The following NDST4 variants were observed in gnomAD, a reference collection of about 807,000 sequenced individuals.
NDST4 encodes N-deacetylase and N-sulfotransferase 4.
In NDST4, 63 loss-of-function variants were observed where a neutral mutation model predicts 100.8. That is an observed-to-expected ratio of 0.62 (90% CI 0.51 to 0.77). The LOEUF (loss-of-function observed/expected upper bound fraction) is 0.77. NDST4 is among the 30% of genes least tolerant of loss of function. NDST4 has a pLI of 0.00. For missense variants in NDST4, 943 were observed against 1,018.4 expected (o/e 0.93, Z 1.01); for synonymous variants, 377 against 361.8 (o/e 1.04, Z -0.48).
intron 2 of NDST4, among the ~76,000 whole-genome samples, chr4:115,036,720 A>C (rs1471586026): frequency 5.9e-5 from 9 of 151,958 alleles, no homozygotes. Flanking sequence ...TTAATGGTAC[A>C]TGAGTAATTT....
intron 7 of NDST4, among the ~76,000 whole-genome samples, chr4:114,855,142 T>C (rs1723765622): frequency 6.6e-6 from 1 of 152,130 alleles, no homozygotes; most frequent in African/African-American, 2.4e-5. Flanking sequence ...GTTTTTTTTT[T>C]CCTATAGAGT....
rs1285448032 is a variant in NDST4, at chr4:114,887,894, ATTC to A, written c.1537-16947_1537-16945del. On this transcript the variant is annotated intron_variant, in intron 6 of 13. Transcript: ENST00000264363. The stretch of plus-strand genomic sequence containing the variant: ...TTTAATGATAGATAAAAGGAGATAG[ATTC>A]TTCTTATCAAATTAGTTGTCCTAAT... Among the ~76,000 whole-genome samples the A allele has an allele frequency of 2.0e-5, 3 of 152,278 alleles. No homozygotes were observed. The East Asian group carries it at 5.8e-4, about 29-fold the overall frequency.
At chr4:114,872,773 T>G (rs988191999) in intron 6 of NDST4, among the ~76,000 whole-genome samples, 2 of 152,008 alleles carry the variant, frequency 1.3e-5, no homozygotes, top group Admixed American at 1.3e-4. Flanking sequence ...ACAGAGCAGT[T>G]AAGTAACTTG....
chr4:114,961,963 A>G (rs1578415910), intron 4 of NDST4, among the ~76,000 whole-genome samples: 1 of 152,116 alleles, frequency 6.6e-6, no homozygotes, highest in Non-Finnish European at 1.5e-5. Context: ...ATCAAACTCA[A>G]TAATATACAA....
intron 2 of NDST4, among the ~76,000 whole-genome samples, chr4:115,045,590 C>G (rs192044415): frequency 6.6e-6 from 1 of 152,222 alleles, no homozygotes; most frequent in East Asian, 1.9e-4. Flanking sequence ...CCTGACCTCC[C>G]AGCAGTAGAC....
At chr4:114,917,562 GAACCC>G (rs1725200330) in intron 6 of NDST4, among the ~76,000 whole-genome samples, 1 of 152,028 alleles carries the variant, frequency 6.6e-6, no homozygotes, top group Non-Finnish European at 1.5e-5. Flanking sequence ...AGGATTGCTT[GAACCC>G]AAGAGTTCAA....
At position 114,977,300 on chromosome 4, in the gene NDST4, A is replaced by T. The variant is rs1726660911; in HGVS notation, c.979-26T>A. ...CTGAAATAAATAAGAAATTAACATG[A>T]TTTTAGAAAAATAAATATGAAGTTT... is the stretch of plus-strand genomic sequence containing the variant. On this transcript the variant is annotated intron_variant, in intron 2 of 13. Coordinates refer to ENST00000264363, the MANE Select transcript of NDST4 (RefSeq NM_022569.3). 5 of 1,486,776 alleles carry T rather than the reference A, an allele frequency of 3.4e-6. No individual in the cohort carries two copies. The East Asian group carries it at 9.1e-5, about 27-fold the overall frequency. 92.1% of individuals were successfully genotyped at this position (1,486,776 alleles called of 1,614,324 possible).
intron 4 of NDST4, among the ~76,000 whole-genome samples, chr4:114,941,379 A>C (rs142268914): frequency 6.6e-6 from 1 of 152,162 alleles, no homozygotes; most frequent in African/African-American, 2.4e-5. Flanking sequence ...GACTTACAAA[A>C]GGGGTTTGAT....
chr4:114,926,919 T>C (rs1725397605), intron 6 of NDST4, among the ~76,000 whole-genome samples: 2 of 152,038 alleles, frequency 1.3e-5, no homozygotes, highest in Admixed American at 6.6e-5. Flanking sequence ...ATATACTTTT[T>C]CCAGCTTTTA....
chr4:115,085,554 G>T (rs1237506199), intron 1 of NDST4, among the ~76,000 whole-genome samples: 1 of 152,050 alleles, frequency 6.6e-6, no homozygotes, highest in Non-Finnish European at 1.5e-5. Flanking sequence ...AATCATGAGG[G>T]TGGTTACCCC....
chr4:114,942,562 C>G (rs1166127444), intron 4 of NDST4, among the ~76,000 whole-genome samples: 1 of 151,966 alleles, frequency 6.6e-6, no homozygotes, highest in Non-Finnish European at 1.5e-5. Flanking sequence ...TAATCTTCCT[C>G]AGGCTATTAT....
rs561336425 is a variant in NDST4 at position 115,112,260 on chromosome 4, G to A, written c.-247+1184C>T. On this transcript the variant is annotated intron_variant, in intron 1 of 13. Coordinates refer to ENST00000264363, the MANE Select transcript of NDST4 (RefSeq NM_022569.3). ...AAATTCATTGCTTCCTAGTTTTGGG[G>A]AAATTCAACCAATTACAATAACTTT... Among the ~76,000 whole-genome samples, 8 of 151,182 alleles carry A rather than the reference G, an allele frequency of 5.3e-5. No individual in the cohort carries two copies. In the East Asian group the frequency reaches 1.6e-3, roughly 30 times the overall value.
chr4:114,949,461 C>T (rs1560826741), intron 4 of NDST4, among the ~76,000 whole-genome samples: 1 of 151,960 alleles, frequency 6.6e-6, no homozygotes. Flanking sequence ...ATTTTTTTCT[C>T]TCGTGTAATG....
intron 6 of NDST4, among the ~76,000 whole-genome samples, chr4:114,877,585 A>T (rs768128013): frequency 6.6e-6 from 1 of 152,206 alleles, no homozygotes; most frequent in Non-Finnish European, 1.5e-5. Flanking sequence ...TGATCTTCCA[A>T]TTTCAAAGAG....
intron 4 of NDST4, among the ~76,000 whole-genome samples, chr4:114,938,485 G>A (rs1050008654): frequency 1.3e-5 from 2 of 152,126 alleles, no homozygotes; most frequent in African/African-American, 4.8e-5. Context: ...CCCTTTAAAT[G>A]CTTATCTGCT....
Position 114,848,229 on chromosome 4 carries a change from G to C in NDST4, c.1926C>G (p.His642Gln), listed in dbSNP as rs1229428170. Residue 642 changes from histidine to glutamine, a missense_variant, in exon 9 of 14, where the codon CAC (histidine) becomes CAG (glutamine). Around this residue, in one of 2 missense-constraint regions of NDST4, gnomAD observed 526 missense variants for 634.1 expected, o/e 0.83. Coordinates refer to ENST00000264363, the MANE Select transcript of NDST4 (RefSeq NM_022569.3). ...EVQFFNGNNY[H>Q]KGIDWYMDFF... is the part of the protein sequence containing the mutation. Reference sequence around the variant, plus strand: ...ATTTTTCTTACCAGTCTATTCCTTTGTGATAGTTGTTGCCATTAAAGAACT... The same window carrying C: ...ATTTTTCTTACCAGTCTATTCCTTTCTGATAGTTGTTGCCATTAAAGAACT... 1.1e-5 allele frequency: 17 copies of C among 1,607,506 alleles called. No homozygotes were observed. The South Asian group carries it at 1.9e-4, about 18-fold the overall frequency.
intron 4 of NDST4, among the ~76,000 whole-genome samples, chr4:114,964,009 A>G (rs1726324243): frequency 6.6e-6 from 1 of 152,100 alleles, no homozygotes; most frequent in Non-Finnish European, 1.5e-5. Flanking sequence ...CTTCTTCTGA[A>G]GAGTATATGG....
In NDST4 at chr4:114,917,764, C is replaced by T. The variant is rs150043306; in HGVS notation, c.1536+17442G>A. On this transcript the variant is annotated intron_variant, in intron 6 of 13. Transcript: ENST00000264363. ...GTTCACACGGTAGCTCTGCTACTCA[C>T]AAGCTCTCTGATACTGAATTAATTA... Among the ~76,000 whole-genome samples the T allele has an allele frequency of 7.9e-3, 1,200 of 152,300 alleles. 7 individuals are homozygous for T. Among genetic ancestry groups the T allele is most frequent in the Non-Finnish European group, 0.013 (870 of 68,014 alleles).
intron 12 of NDST4, 108 bp downstream of exon 12, chr4:114,833,498 A>T: frequency 1.4e-6 from 1 of 701,012 alleles, no homozygotes; most frequent in South Asian, 1.7e-5. Flanking sequence ...TAGGTAGCAT[A>T]GGATGTATAA....
Sources: gnomAD v4.1 joint callset for allele counts (sites outside exome capture counted in the v4.1 genomes callset) on GRCh38, gnomAD v4.1.1 for gene constraint, gnomAD v4.1.1 regional missense constraint, MANE v1.5 for transcripts, NCBI Gene and HGNC (gene_info 2026-07-23, HGNC 2026-07-21) for gene names.